ZBTB20: variants seen among roughly 807,000 people sequenced by gnomAD.
The protein encoded by ZBTB20 is zinc finger and BTB domain containing 20.
ZBTB20 carries 9 observed loss-of-function variants against 56.9 expected under a neutral mutation model. The observed-to-expected ratio is 0.16, with a 90% CI of 0.10 to 0.28. The LOEUF (loss-of-function observed/expected upper bound fraction) is 0.28, where lower values mean the gene tolerates loss of function less well. Among genes scored for constraint, ZBTB20 ranks in the 10% least tolerant of loss-of-function variants. ZBTB20 has a pLI of 1.00. For synonymous variants in ZBTB20, 417 were observed against 420.7 expected, an observed-to-expected ratio of 0.99 and a Z score of 0.11; for missense variants, 655 against 1,003.0, an observed-to-expected ratio of 0.65 and a Z score of 4.69.
rs931140794 is a variant in ZBTB20, at chr3:114,382,966, A to G, written c.-153-2026T>C. 5.3e-5 allele frequency among the ~76,000 whole-genome samples: 8 copies of G among 152,220 alleles called. No individual in the cohort carries two copies. In the South Asian group the frequency reaches 1.0e-3, roughly 20 times the overall value. On this transcript the variant is annotated intron_variant, in intron 8 of 11. Coordinates refer to ENST00000675478, the MANE Select transcript of ZBTB20 (RefSeq NM_001348800.3). ...GTTTACTGCCTTGTCTATACTATTA[A>G]GCAATGTAGCTTAGACAAAGCTGTC...
At position 114,649,646 on chromosome 3, in the gene ZBTB20, C is replaced by T. The variant is rs143935683; in HGVS notation, c.-295+43882G>A. Among the ~76,000 whole-genome samples, 1,027 of 151,952 alleles carry T rather than the reference C, an allele frequency of 6.8e-3. 12 individuals are homozygous for T. The highest frequency in any genetic ancestry group is 0.023 in the African/African-American group (945 of 41,498). ...GGAATAGAATTTATTTGATCTCAAG[C>T]TTTCTATATATAGAAAAAAAACAAA... On this transcript the variant is annotated intron_variant, in intron 6 of 11. Coordinates refer to ENST00000675478, the MANE Select transcript of ZBTB20 (RefSeq NM_001348800.3).
At position 114,324,531 on chromosome 3, in the gene ZBTB20, T is replaced by A. The variant is rs1427487338; in HGVS notation, c.*14474A>T. 2 of 152,022 alleles carry A rather than the reference T, an allele frequency of 1.3e-5. No homozygotes were observed. Among genetic ancestry groups the A allele is most frequent in the Non-Finnish European group, 2.9e-5 (2 of 67,980 alleles). 9.4% of individuals were successfully genotyped at this position (152,022 alleles called of 1,614,324 possible). On this transcript the variant is annotated 3_prime_UTR_variant, in exon 12 of 12. Coordinates refer to ENST00000675478, the MANE Select transcript of ZBTB20 (RefSeq NM_001348800.3). ...TTCTGACTACACATAAATACAGATA[T>A]ACATACACATACACAGAAATTCTCA... is the stretch of plus-strand genomic sequence containing the variant.
At chr3:115,137,409 T>C (rs2084680276) in intron 1 of ZBTB20, among the ~76,000 whole-genome samples, 1 of 152,082 alleles carries the variant, frequency 6.6e-6, no homozygotes, top group Admixed American at 6.6e-5. Flanking sequence ...AAGGTTACTA[T>C]AATTCCTTTT....
intron 6 of ZBTB20, among the ~76,000 whole-genome samples, chr3:114,640,955 T>C (rs1378944207): frequency 2.0e-5 from 3 of 151,992 alleles, no homozygotes; most frequent in Admixed American, 6.6e-5. Context: ...AAGTACAATA[T>C]CTGAAATAAA....
At chr3:114,724,566 T>C (rs1353021457) in intron 5 of ZBTB20, among the ~76,000 whole-genome samples, 3 of 152,242 alleles carry the variant, frequency 2.0e-5, no homozygotes, top group Non-Finnish European at 4.4e-5. Flanking sequence ...GGCCTAGATA[T>C]TTACTTCTCT....
chr3:114,432,592 G>A lies in ZBTB20; in HGVS notation c.-254-43487C>T, dbSNP rs536932418. 7.2e-5 allele frequency among the ~76,000 whole-genome samples: 11 copies of A among 152,296 alleles called. No individual in the cohort carries two copies. In the South Asian group the frequency reaches 2.3e-3, roughly 32 times the overall value. On this transcript the variant is annotated intron_variant, in intron 7 of 11. Coordinates refer to ENST00000675478, the MANE Select transcript of ZBTB20 (RefSeq NM_001348800.3). ...TCGGCAACCTCTTGCATTTGCTTTT[G>A]GAACCTTTCTGAGGGGGACAGTAAA...
chr3:114,614,731 C>T (rs540051060), intron 6 of ZBTB20, among the ~76,000 whole-genome samples: 1 of 124,932 alleles, frequency 8.0e-6, no homozygotes, highest in East Asian at 3.0e-4. Flanking sequence ...TCATAGTGGC[C>T]ACTTTTTTTG....
intron 3 of ZBTB20, among the ~76,000 whole-genome samples, chr3:114,923,833 C>G (rs2076050828): frequency 6.6e-6 from 1 of 151,748 alleles, no homozygotes; most frequent in African/African-American, 2.4e-5. Context: ...GGTTGATATT[C>G]AGAATGTATG....
intron 6 of ZBTB20, among the ~76,000 whole-genome samples, chr3:114,673,332 G>A (rs2061455970): frequency 6.6e-6 from 1 of 152,080 alleles, no homozygotes; most frequent in Non-Finnish European, 1.5e-5. Context: ...CTACCCCACA[G>A]GGTGATATAA....
chr3:114,757,458 G>T (rs1368111190), intron 5 of ZBTB20, among the ~76,000 whole-genome samples: 1 of 152,098 alleles, frequency 6.6e-6, no homozygotes, highest in Non-Finnish European at 1.5e-5. Flanking sequence ...CAATTTTTGA[G>T]TCCTTCCAAT....
At chr3:114,395,679 T>C (rs367963019) in intron 7 of ZBTB20, among the ~76,000 whole-genome samples, 1 of 152,166 alleles carries the variant, frequency 6.6e-6, no homozygotes, top group East Asian at 1.9e-4. Flanking sequence ...ATCGTCAGCT[T>C]ACTGATGCTG....
chr3:114,472,673 A>C (rs1163791378), intron 7 of ZBTB20, among the ~76,000 whole-genome samples: 1 of 151,236 alleles, frequency 6.6e-6, no homozygotes, highest in African/African-American at 2.4e-5. Context: ...GTGCCATTGC[A>C]CTCCAGCCTG....
intron 7 of ZBTB20, among the ~76,000 whole-genome samples, chr3:114,465,977 T>C (rs901121957): frequency 1.3e-5 from 2 of 152,100 alleles, no homozygotes; most frequent in Non-Finnish European, 2.9e-5. Context: ...AACAAATACA[T>C]GTATGTACAT....
rs377362770 is a variant in ZBTB20 at position 114,875,795 on chromosome 3, A to T, written c.-417+24509T>A. Among the ~76,000 whole-genome samples, 87 of 152,320 alleles carry T rather than the reference A, an allele frequency of 5.7e-4. No homozygotes were observed. The South Asian group carries it at 0.013, about 23-fold the overall frequency. ...TAATAACACCAGTTCTGCTACCTCA[A>T]TAACTGTAATTAAAATAATAATTTA... On this transcript the variant is annotated intron_variant, in intron 4 of 11. Coordinates refer to ENST00000675478, the MANE Select transcript of ZBTB20 (RefSeq NM_001348800.3).
chr3:115,009,667 G>A (rs2079618144), intron 2 of ZBTB20, among the ~76,000 whole-genome samples: 1 of 151,868 alleles, frequency 6.6e-6, no homozygotes, highest in Non-Finnish European at 1.5e-5. Context: ...TTTGAGAGAT[G>A]ATTAGGTCAT....
chr3:114,574,328 T>C (rs1176853503), intron 6 of ZBTB20, among the ~76,000 whole-genome samples: 1 of 152,186 alleles, frequency 6.6e-6, no homozygotes, highest in East Asian at 1.9e-4. Flanking sequence ...TCAGAGGACA[T>C]ATTTTTAAAG....
intron 2 of ZBTB20, among the ~76,000 whole-genome samples, chr3:115,038,045 G>A (rs1017549894): frequency 2.0e-5 from 3 of 152,174 alleles, no homozygotes; most frequent in African/African-American, 7.2e-5. Context: ...TCACATGGGT[G>A]ATGCCACCTC....
At chr3:114,759,748 T>C (rs1392170853) in intron 5 of ZBTB20, among the ~76,000 whole-genome samples, 1 of 152,140 alleles carries the variant, frequency 6.6e-6, no homozygotes, top group Non-Finnish European at 1.5e-5. Context: ...GACTGATTTG[T>C]TCATGCATTC....
chr3:114,569,425 G>T (rs1298442761), intron 6 of ZBTB20, among the ~76,000 whole-genome samples: 1 of 152,192 alleles, frequency 6.6e-6, no homozygotes, highest in South Asian at 2.1e-4. Flanking sequence ...GAAGTGTTTG[G>T]CAGACATTCA....
Sources: allele counts gnomAD v4.1 joint callset (sites outside exome capture counted in the v4.1 genomes callset), GRCh38; gene constraint gnomAD v4.1.1; transcripts MANE v1.5; gene names NCBI Gene and HGNC (gene_info 2026-07-23, HGNC 2026-07-21).